DPYS: variants seen among roughly 807,000 people sequenced by gnomAD.
The protein encoded by DPYS is dihydropyrimidine amidohydrolase.
A neutral mutation model predicts 50.3 loss-of-function variants in DPYS; 39 were observed. The ratio of observed to expected loss-of-function variants is 0.78; its 90% CI spans 0.60 to 1.01. The LOEUF (loss-of-function observed/expected upper bound fraction) is 1.01. Ranked by LOEUF, DPYS falls within the 50% of genes least tolerant of loss-of-function variation. DPYS has a pLI of 0.00. For missense variants in DPYS, 659 were observed against 680.9 expected (o/e 0.97, Z 0.36); for synonymous variants, 245 against 250.7 (o/e 0.98, Z 0.22).
At chr8:104,380,349 A>T (rs1810990542) in intron 9 of DPYS, among the ~76,000 whole-genome samples, 1 of 152,240 alleles carries the variant, frequency 6.6e-6, no homozygotes, top group Non-Finnish European at 1.5e-5. Flanking sequence ...TCTGGGGTTA[A>T]GTCTTGTGCA....
intron 2 of DPYS, 124 bp from the exon 3 acceptor site, chr8:104,447,627 T>A: frequency 1.7e-6 from 2 of 1,172,124 alleles, no homozygotes; most frequent in Non-Finnish European, 2.5e-6. Flanking sequence ...GGACAATAGT[T>A]TAGTTCCACA....
intron 6 of DPYS, among the ~76,000 whole-genome samples, chr8:104,425,931 G>A (rs1470798573): frequency 1.3e-5 from 2 of 152,006 alleles, no homozygotes; most frequent in African/African-American, 4.8e-5. Flanking sequence ...AAATGACATG[G>A]TTTTCTATAT....
At chr8:104,419,172 T>C (rs1054534523) in intron 7 of DPYS, 3 of 561,108 alleles carry the variant, frequency 5.3e-6, no homozygotes, top group Non-Finnish European at 6.8e-6. Flanking sequence ...AACACAGTCA[T>C]GTATTGATCA....
intron 4 of DPYS, among the ~76,000 whole-genome samples, chr8:104,438,413 T>C (rs554696639): frequency 6.6e-6 from 1 of 152,168 alleles, no homozygotes; most frequent in Non-Finnish European, 1.5e-5. Context: ...AAGACAATAA[T>C]GGTCTAAATA....
intron 8 of DPYS, among the ~76,000 whole-genome samples, chr8:104,382,327 T>C (rs972384775): frequency 4.6e-5 from 7 of 152,116 alleles, no homozygotes; most frequent in Non-Finnish European, 8.8e-5. Context: ...CTGCTCACTT[T>C]CTGTATCTGT....
chr8:104,455,493 A>T (rs1813892600), intron 1 of DPYS, among the ~76,000 whole-genome samples: 1 of 152,220 alleles, frequency 6.6e-6, no homozygotes, highest in Non-Finnish European at 1.5e-5. Flanking sequence ...GAGGAGCATG[A>T]TCTGCACTTA....
chr8:104,418,457 C>T (rs1564093338), intron 7 of DPYS, among the ~76,000 whole-genome samples: 1 of 152,270 alleles, frequency 6.6e-6, no homozygotes, highest in South Asian at 2.1e-4. Context: ...TAGATATATT[C>T]ATTTATTCAT....
At chr8:104,455,005 A>G (rs1471408609) in intron 1 of DPYS, among the ~76,000 whole-genome samples, 2 of 152,188 alleles carry the variant, frequency 1.3e-5, no homozygotes, top group East Asian at 3.9e-4. Context: ...GGTTAACTCC[A>G]TTTTAGGGTG....
chr8:104,445,302 GATATACCTGC>G (rs1165601258), intron 3 of DPYS, among the ~76,000 whole-genome samples: 12 of 152,280 alleles, frequency 7.9e-5, no homozygotes, highest in Admixed American at 2.0e-4. Flanking sequence ...ATATCAAAGA[GATATACCTGC>G]ATTCCCATAT....
intron 8 of DPYS, among the ~76,000 whole-genome samples, chr8:104,387,404 T>A (rs1811246879): frequency 1.3e-5 from 2 of 152,158 alleles, no homozygotes; most frequent in South Asian, 2.1e-4. Flanking sequence ...GCTGTCTCAT[T>A]TCAGGGCTGG....
intron 7 of DPYS, among the ~76,000 whole-genome samples, chr8:104,394,481 T>C (rs1218678868): frequency 2.0e-5 from 3 of 152,104 alleles, no homozygotes; most frequent in Non-Finnish European, 4.4e-5. Context: ...TTCTTTGTTC[T>C]ACCTTCTCCC....
At position 104,389,040 on chromosome 8, in the gene DPYS, C is replaced by A. The variant is rs115113565; in HGVS notation, c.1443+3744G>T. ...TCATTTACCAGATGCCACCTATGTA[C>A]CAAGTACTGGCAAAAAAGAATAAGA... On this transcript the variant is annotated intron_variant, in intron 8 of 9. Coordinates refer to ENST00000351513, the MANE Select transcript of DPYS (RefSeq NM_001385.3). Among the ~76,000 whole-genome samples, 1,430 of 152,240 alleles carry A rather than the reference C, an allele frequency of 9.4e-3. 14 individuals carry two copies. Among genetic ancestry groups the A allele is most frequent in the African/African-American group, 0.031 (1,298 of 41,522 alleles).
intron 4 of DPYS, among the ~76,000 whole-genome samples, chr8:104,436,282 C>T (rs139070950): frequency 1.6e-4 from 24 of 152,242 alleles, no homozygotes; most frequent in African/African-American, 5.3e-4. Flanking sequence ...AAACAGCACA[C>T]GCACACACAA....
intron 8 of DPYS, among the ~76,000 whole-genome samples, chr8:104,381,754 A>G (rs897897211): frequency 1.3e-5 from 2 of 151,980 alleles, no homozygotes; most frequent in Admixed American, 6.6e-5. Flanking sequence ...TGCATTATGG[A>G]TCTTCCACAG....
intron 2 of DPYS, among the ~76,000 whole-genome samples, chr8:104,450,173 G>GGGAC (rs1813687448): frequency 6.9e-6 from 1 of 145,486 alleles, no homozygotes; most frequent in African/African-American, 2.5e-5. Flanking sequence ...GAGGGAGGGA[G>GGGAC]GGAAAAGAAG....
In DPYS at chr8:104,447,325, T is replaced by A. The variant is rs1440037605; in HGVS notation, c.602A>T (p.Glu201Val). 1 of 1,614,138 alleles carries A rather than the reference T, an allele frequency of 6.2e-7. No homozygotes were observed. The change falls in exon 3 of 10, where the codon GAG (glutamate) becomes GTG (valine). Residue 201 changes from glutamate (E) to valine (V), a missense_variant and splice_region_variant. By Grantham distance (121) the Glu-to-Val change is moderately radical. Coordinates refer to ENST00000351513, the MANE Select transcript of DPYS (RefSeq NM_001385.3). ...AAGCTTTGGAATGCAAATGCGTACC[T>A]CTGCAATTAAGTCTCCATTTTCCGC... ...VHAENGDLIAEGAKKMLALGI... is the reference protein window; with the variant it reads ...VHAENGDLIAVGAKKMLALGI...
intron 1 of DPYS, among the ~76,000 whole-genome samples, chr8:104,466,321 T>C (rs1046694627): frequency 6.6e-6 from 1 of 152,026 alleles, no homozygotes; most frequent in Non-Finnish European, 1.5e-5. Context: ...CCAATCAAAA[T>C]GGGGTTGCGG....
intron 1 of DPYS, among the ~76,000 whole-genome samples, chr8:104,458,183 T>C (rs1298335937): frequency 2.0e-5 from 3 of 152,208 alleles, no homozygotes; most frequent in Non-Finnish European, 2.9e-5. Flanking sequence ...ATACCTACTA[T>C]ATGTCTGCCC....
intron 4 of DPYS, among the ~76,000 whole-genome samples, chr8:104,439,627 T>A (rs1437864176): frequency 6.6e-6 from 1 of 152,008 alleles, no homozygotes. Context: ...TACAAAAAAA[T>A]TTTAAAAATT....
Sources: gnomAD v4.1 joint callset for allele counts (sites outside exome capture counted in the v4.1 genomes callset) on GRCh38, gnomAD v4.1.1 for gene constraint, MANE v1.5 for transcripts, NCBI Gene and HGNC (gene_info 2026-07-23, HGNC 2026-07-21) for gene names.